ITPR2: variants seen among roughly 807,000 people sequenced by gnomAD.
The protein encoded by ITPR2 is inositol 1,4,5-trisphosphate receptor type 2.
Under a neutral mutation model 317.1 loss-of-function variants are expected in ITPR2, and 207 were observed. That is an observed-to-expected ratio of 0.65 (90% CI 0.58 to 0.73). The LOEUF (loss-of-function observed/expected upper bound fraction) is 0.73, where lower values mean the gene tolerates loss of function less well. Among genes scored for constraint, ITPR2 ranks in the 30% least tolerant of loss-of-function variants. The pLI is 0.00. For missense variants in ITPR2, 2,613 were observed against 3,284.0 expected (o/e 0.80, Z 4.99); for synonymous variants, 1,156 against 1,149.1 (o/e 1.01, Z -0.12).
At chr12:26,568,720 G>A (rs1945075335) in intron 34 of ITPR2, among the ~76,000 whole-genome samples, 1 of 152,156 alleles carries the variant, frequency 6.6e-6, no homozygotes, top group Admixed American at 6.6e-5. Context: ...AGAAAACCTG[G>A]TTGGTTGTCA....
chr12:26,722,301 T>C (rs1206893069), intron 5 of ITPR2, 96 bp downstream of exon 5: 1 of 1,102,786 alleles, frequency 9.1e-7, no homozygotes, highest in East Asian at 2.5e-5. Context: ...GAGTAAAAAC[T>C]ATATTTTCTT....
chr12:26,714,080 CT>C (rs1948696331), intron 8 of ITPR2, among the ~76,000 whole-genome samples: 1 of 152,246 alleles, frequency 6.6e-6, no homozygotes, highest in African/African-American at 2.4e-5. Flanking sequence ...AAGATAAGTT[CT>C]TTTGTACTAT....
chr12:26,351,428 C>T (rs191098255), intron 55 of ITPR2, among the ~76,000 whole-genome samples: 10 of 152,338 alleles, frequency 6.6e-5, no homozygotes, highest in Non-Finnish European at 1.5e-4. Flanking sequence ...GTTTTTCCTA[C>T]AGAAATGTCA....
At chr12:26,592,961 A>G (rs1299473890) in intron 32 of ITPR2, among the ~76,000 whole-genome samples, 2 of 152,206 alleles carry the variant, frequency 1.3e-5, no homozygotes, top group Non-Finnish European at 2.9e-5. Flanking sequence ...TATACACATT[A>G]TCTCATTGGA....
intron 5 of ITPR2, 76 bp downstream of exon 5, chr12:26,722,321 T>C (rs770779316): frequency 1.5e-6 from 2 of 1,312,454 alleles, no homozygotes; most frequent in Non-Finnish European, 2.1e-6. Context: ...TTTTTGTACT[T>C]TCTGGATTAT....
At position 26,456,833 on chromosome 12, in the gene ITPR2, C is replaced by T. The variant is rs530793311; in HGVS notation, c.6343-13183G>A. Among the ~76,000 whole-genome samples the T allele has an allele frequency of 1.2e-3, 182 of 152,200 alleles. 1 individual carries two copies. Among genetic ancestry groups the T allele is most frequent in the Middle Eastern group, 6.8e-3 (2 of 294 alleles). ...GATTACAGGCACTTGCCATCACGCC[C>T]GGCTAATTTTTGTATTTTTTACTAG... On this transcript the variant is annotated intron_variant, in intron 45 of 56. Transcript: ENST00000381340.
At chr12:26,541,902 A>T (rs1056782957) in intron 37 of ITPR2, among the ~76,000 whole-genome samples, 21 of 152,138 alleles carry the variant, frequency 1.4e-4, no homozygotes, top group African/African-American at 4.3e-4. Context: ...AAAAAAGAGG[A>T]CATCTTAAAA....
chr12:26,758,923 G>A (rs1461909183), intron 2 of ITPR2, among the ~76,000 whole-genome samples: 1 of 152,132 alleles, frequency 6.6e-6, no homozygotes, highest in Non-Finnish European at 1.5e-5. Context: ...ATCCTCTATG[G>A]ATCACATCCT....
chr12:26,705,835 G>A (rs534389290), intron 9 of ITPR2, among the ~76,000 whole-genome samples: 1 of 152,204 alleles, frequency 6.6e-6, no homozygotes, highest in African/African-American at 2.4e-5. Flanking sequence ...CCTCTCCCTT[G>A]GTTCAAGTGC....
chr12:26,673,048 A>T (rs1476521662), intron 13 of ITPR2, among the ~76,000 whole-genome samples: 1 of 152,250 alleles, frequency 6.6e-6, no homozygotes, highest in Non-Finnish European at 1.5e-5. Context: ...TGTGGCAATA[A>T]TCAATAGCTT....
chr12:26,832,761 G>A lies in ITPR2; in HGVS notation c.21C>T (p.Ser7=). The change falls in exon 1 of 57, where the codon AGC becomes AGT. Residue 7 remains serine (S), a synonymous_variant. Transcript: ENST00000381340. MTEKMS[S]FLYIGDIVSL... ...ACACGATGTCCCCTATGTAGAGGAAGCTGGACATTTTCTCAGTCATGCTGC... is the reference window on the plus strand; with the variant it reads ...ACACGATGTCCCCTATGTAGAGGAAACTGGACATTTTCTCAGTCATGCTGC... 6.2e-7 allele frequency: 1 copy of A among 1,602,532 alleles called. No homozygotes were observed. The highest frequency in any genetic ancestry group is 1.1e-5 in the South Asian group (1 of 89,646).
intron 37 of ITPR2, among the ~76,000 whole-genome samples, chr12:26,541,864 G>A (rs1294696286): frequency 6.6e-6 from 1 of 151,334 alleles, no homozygotes; most frequent in Non-Finnish European, 1.5e-5. Context: ...TGTTAACTCA[G>A]GAGTCAGTAT....
chr12:26,708,738 A>C (rs1339086885), intron 9 of ITPR2, among the ~76,000 whole-genome samples: 2 of 152,170 alleles, frequency 1.3e-5, no homozygotes, highest in Non-Finnish European at 2.9e-5. Flanking sequence ...TGTATATTTT[A>C]AAATAACTAA....
At chr12:26,599,784 G>A (rs952015964) in intron 29 of ITPR2, among the ~76,000 whole-genome samples, 1 of 151,566 alleles carries the variant, frequency 6.6e-6, no homozygotes, top group Non-Finnish European at 1.5e-5. Flanking sequence ...ATTGTCATTT[G>A]CATGTAAAAC....
intron 32 of ITPR2, among the ~76,000 whole-genome samples, chr12:26,584,197 G>T (rs1236842564): frequency 2.0e-5 from 3 of 152,168 alleles, no homozygotes; most frequent in Non-Finnish European, 4.4e-5. Context: ...GCAGGGTGGG[G>T]ATGGTCAAGG....
chr12:26,625,960 TTG>T (rs1591975587), intron 23 of ITPR2, among the ~76,000 whole-genome samples: 1 of 152,266 alleles, frequency 6.6e-6, no homozygotes, highest in African/African-American at 2.4e-5. Context: ...ATGGGGCTTT[TTG>T]TGTGTTTGTT....
chr12:26,833,019 C>A lies in ITPR2; in HGVS notation c.-238G>T. 4.1e-6 allele frequency: 2 copies of A among 483,502 alleles called. No homozygotes were observed. Among genetic ancestry groups the A allele is most frequent in the Non-Finnish European group, 3.6e-6 (1 of 278,418 alleles). The allele number at this position is 483,502 out of a possible 1,614,324, so 30.0% of individuals were successfully genotyped here. A position where few individuals can be genotyped will look rare whatever the true frequency, so the allele number is the denominator to read the frequency against. ...CACCCCGCGAAGAGCGCAGCCCAGG[C>A]GCCCAGAGAAGCCGCAGCCGCCGCC... is the stretch of plus-strand genomic sequence containing the variant. On this transcript the variant is annotated 5_prime_UTR_variant, in exon 1 of 57. Transcript: ENST00000381340.
chr12:26,574,303 A>G (rs889505352), intron 34 of ITPR2, among the ~76,000 whole-genome samples: 4 of 152,074 alleles, frequency 2.6e-5, no homozygotes, highest in African/African-American at 9.7e-5. Flanking sequence ...CTTTGTCTAA[A>G]TATTTCAAAT....
intron 1 of ITPR2, among the ~76,000 whole-genome samples, chr12:26,799,160 A>G (rs1950510351): frequency 6.6e-6 from 1 of 152,238 alleles, no homozygotes; most frequent in Non-Finnish European, 1.5e-5. Context: ...GGTTTCACTC[A>G]GAGTTAGAAT....
Sources: gnomAD v4.1 joint callset for allele counts (sites outside exome capture counted in the v4.1 genomes callset) on GRCh38, gnomAD v4.1.1 for gene constraint, MANE v1.5 for transcripts, NCBI Gene and HGNC (gene_info 2026-07-23, HGNC 2026-07-21) for gene names.